The following KIAA1217 variants were observed in gnomAD, a reference collection of about 807,000 sequenced individuals.
The protein encoded by KIAA1217 is KIAA1217.
KIAA1217 carries 88 observed loss-of-function variants against 163.9 expected under a neutral mutation model. The observed-to-expected ratio is 0.54, with a 90% CI of 0.45 to 0.64. The LOEUF is 0.64. KIAA1217 is among the 30% of genes least tolerant of loss of function. The probability of loss-of-function intolerance (pLI) is 0.00; values close to 1 mark genes in which losing one functional copy is unlikely to be tolerated. For missense variants in KIAA1217, 2,372 were observed against 2,475.0 expected (o/e 0.96, Z 0.88); for synonymous variants, 903 against 923.1 (o/e 0.98, Z 0.39).
intron 1 of KIAA1217, among the ~76,000 whole-genome samples, chr10:23,974,852 A>G (rs993451320): frequency 6.6e-6 from 1 of 151,316 alleles, no homozygotes; most frequent in African/African-American, 2.4e-5. Flanking sequence ...TTATAATATG[A>G]AAGAATACTC....
intron 2 of KIAA1217, among the ~76,000 whole-genome samples, chr10:24,334,115 A>G (rs1267110215): frequency 6.6e-6 from 1 of 152,222 alleles, no homozygotes; most frequent in African/African-American, 2.4e-5. Context: ...TGGAGGATAC[A>G]TACATGTTAT....
intron 2 of KIAA1217, among the ~76,000 whole-genome samples, chr10:24,329,441 C>CT (rs927464378): frequency 1.3e-5 from 2 of 151,796 alleles, no homozygotes; most frequent in African/African-American, 4.8e-5. Context: ...ATAAATTCCC[C>CT]TTTCTTCAGA....
At chr10:24,269,800 G>A (rs2076597292) in intron 2 of KIAA1217, among the ~76,000 whole-genome samples, 1 of 152,116 alleles carries the variant, frequency 6.6e-6, no homozygotes, top group Admixed American at 6.6e-5. Context: ...TTTATCAAGG[G>A]GCATTTTTAG....
At chr10:23,909,494 A>G (rs1408684795) in intron 1 of KIAA1217, among the ~76,000 whole-genome samples, 1 of 152,072 alleles carries the variant, frequency 6.6e-6, no homozygotes, top group Non-Finnish European at 1.5e-5. Flanking sequence ...ATAAACCTAA[A>G]TGCATACCTT....
intron 1 of KIAA1217, among the ~76,000 whole-genome samples, chr10:23,978,171 G>C (rs1238739705): frequency 6.6e-6 from 1 of 152,186 alleles, no homozygotes; most frequent in Non-Finnish European, 1.5e-5. Flanking sequence ...GATGAGGAAT[G>C]GTTACTTCCT....
intron 2 of KIAA1217, among the ~76,000 whole-genome samples, chr10:24,379,086 A>G (rs377215805): frequency 1.3e-5 from 2 of 151,662 alleles, no homozygotes; most frequent in African/African-American, 2.4e-5. Flanking sequence ...TTAAAGTAAT[A>G]TTATTTCTTG....
At chr10:24,292,101 G>T (rs191729796) in intron 2 of KIAA1217, among the ~76,000 whole-genome samples, 1 of 152,168 alleles carries the variant, frequency 6.6e-6, no homozygotes, top group East Asian at 1.9e-4. Context: ...ATCAGGAAAG[G>T]CTTGTTGGAG....
chr10:24,520,669 T>C (rs1242398385), intron 11 of KIAA1217, among the ~76,000 whole-genome samples: 137 of 57,526 alleles, frequency 2.4e-3, no homozygotes, highest in East Asian at 8.4e-3. Context: ...TATATATATA[T>C]ATATATACAC....
Position 23,807,819 on chromosome 10 carries a change from GGACCAT to G in KIAA1217, c.-321+112588_-321+112593del, listed in dbSNP as rs1460533071. Among the ~76,000 whole-genome samples, 40 of 152,324 alleles carry G rather than the reference GGACCAT, an allele frequency of 2.6e-4. 1 individual carries two copies. Among genetic ancestry groups the G allele is most frequent in the African/African-American group, 9.6e-4 (40 of 41,582 alleles). ...AGTGAGCAGGAACTGGCATTTAAAT[GGACCAT>G]GAGAGAAAGCAATAAAAGATGTAGG... On this transcript the variant is annotated intron_variant, in intron 1 of 18. Coordinates refer to the KIAA1217 transcript ENST00000376462.
At chr10:24,064,312 T>A (rs1589359804) in intron 2 of KIAA1217, among the ~76,000 whole-genome samples, 1 of 152,300 alleles carries the variant, frequency 6.6e-6, no homozygotes, top group East Asian at 1.9e-4. Flanking sequence ...TTGAGATACA[T>A]CCCATCAATA....
intron 2 of KIAA1217, among the ~76,000 whole-genome samples, chr10:24,128,721 T>C (rs933605719): frequency 5.3e-5 from 8 of 152,218 alleles, no homozygotes; most frequent in African/African-American, 1.7e-4. Context: ...CACAGTCTTC[T>C]ACCACCCATT....
At chr10:24,066,234 G>A (rs2060940031) in intron 2 of KIAA1217, among the ~76,000 whole-genome samples, 1 of 152,182 alleles carries the variant, frequency 6.6e-6, no homozygotes, top group African/African-American at 2.4e-5. Flanking sequence ...TTTCTTCCTA[G>A]CCTTGACGGT....
intron 1 of KIAA1217, among the ~76,000 whole-genome samples, chr10:23,817,716 G>A (rs1187028463): frequency 1.3e-5 from 2 of 151,914 alleles, no homozygotes; most frequent in South Asian, 2.1e-4. Flanking sequence ...CTTTGGTTAC[G>A]GTGTTACAGA....
At chr10:23,875,663 G>A (rs369993515) in intron 1 of KIAA1217, among the ~76,000 whole-genome samples, 82 of 152,060 alleles carry the variant, frequency 5.4e-4, no homozygotes, top group African/African-American at 1.9e-3. Context: ...GTTTATTGCA[G>A]CACTATTCAC....
intron 1 of KIAA1217, among the ~76,000 whole-genome samples, chr10:23,939,531 A>G (rs563400879): frequency 2.0e-5 from 3 of 152,188 alleles, no homozygotes; most frequent in Non-Finnish European, 4.4e-5. Flanking sequence ...TTATATTTAT[A>G]TAACAGTACA....
intron 2 of KIAA1217, among the ~76,000 whole-genome samples, chr10:24,073,442 T>C (rs2061259996): frequency 6.6e-6 from 1 of 152,180 alleles, no homozygotes. Context: ...ACCAGCTGGA[T>C]ATAGATGGAG....
chr10:24,197,395 G>A (rs1020208119), intron 2 of KIAA1217, among the ~76,000 whole-genome samples: 1 of 152,196 alleles, frequency 6.6e-6, no homozygotes, highest in African/African-American at 2.4e-5. Context: ...TTTCTAGAAC[G>A]TGCAATGCTG....
chr10:24,208,679 A>G (rs993276665), upstream of KIAA1217: 1 of 152,230 alleles, frequency 6.6e-6, no homozygotes, highest in Non-Finnish European at 1.5e-5. Flanking sequence ...TATGTGGATC[A>G]CCCGATTTGG....
intron 1 of KIAA1217, among the ~76,000 whole-genome samples, chr10:23,847,106 G>A (rs1378523624): frequency 6.6e-6 from 1 of 152,106 alleles, no homozygotes; most frequent in Non-Finnish European, 1.5e-5. Flanking sequence ...TGGTACATAA[G>A]CTTTTTAATG....
Sources: gnomAD v4.1 joint callset for allele counts (sites outside exome capture counted in the v4.1 genomes callset) on GRCh38, gnomAD v4.1.1 for gene constraint, MANE v1.5 for transcripts, NCBI Gene and HGNC (gene_info 2026-07-23, HGNC 2026-07-21) for gene names.